F13A1: variants seen among roughly 807,000 people sequenced by gnomAD.
The protein encoded by F13A1 is FSF, A subunit.
A neutral mutation model predicts 80.1 loss-of-function variants in F13A1; 47 were observed. The observed-to-expected ratio is 0.59, with a 90% confidence interval of 0.46 to 0.75. F13A1 has a LOEUF of 0.75. Among genes scored for constraint, F13A1 ranks in the 30% least tolerant of loss-of-function variants. The pLI is 0.00. For missense variants in F13A1, 817 were observed against 930.4 expected (o/e 0.88, Z 1.59); for synonymous variants, 349 against 344.9 (o/e 1.01, Z -0.13).
chr6:6,267,288 C>T (rs576564376), intron 3 of F13A1, among the ~76,000 whole-genome samples: 1 of 152,314 alleles, frequency 6.6e-6, no homozygotes, highest in East Asian at 1.9e-4. Context: ...GGTTATACCA[C>T]TCAGAATGAA....
intron 6 of F13A1, among the ~76,000 whole-genome samples, chr6:6,229,876 G>A (rs1757327153): frequency 6.6e-6 from 1 of 152,220 alleles, no homozygotes; most frequent in African/African-American, 2.4e-5. Context: ...GACTTCACCT[G>A]GTGCTGGGTC....
chr6:6,212,467 T>C (rs1761636586), intron 8 of F13A1, among the ~76,000 whole-genome samples: 3 of 151,678 alleles, frequency 2.0e-5, no homozygotes, highest in Admixed American at 2.0e-4. Flanking sequence ...CAGCTGAGGG[T>C]CCTGTCTGTT....
chr6:6,155,190 G>A (rs760487660), intron 13 of F13A1, among the ~76,000 whole-genome samples: 27 of 152,164 alleles, frequency 1.8e-4, no homozygotes, highest in African/African-American at 4.3e-4. Context: ...AGCCTCCTAC[G>A]CTGTGGAAAG....
chr6:6,247,252 T>A (rs1757565496), intron 6 of F13A1, among the ~76,000 whole-genome samples: 1 of 152,376 alleles, frequency 6.6e-6, no homozygotes, highest in South Asian at 2.1e-4. Flanking sequence ...TATTTTTATA[T>A]TAACAATATT....
chr6:6,225,063 C>A (rs369148884), intron 6 of F13A1, among the ~76,000 whole-genome samples: 2 of 152,140 alleles, frequency 1.3e-5, no homozygotes, highest in Admixed American at 6.5e-5. Flanking sequence ...ACCAAGTAAC[C>A]AAGATTGCCT....
At chr6:6,204,894 C>T (rs1761458991) in intron 8 of F13A1, among the ~76,000 whole-genome samples, 1 of 152,186 alleles carries the variant, frequency 6.6e-6, no homozygotes, top group Non-Finnish European at 1.5e-5. Flanking sequence ...GGCGTCATGT[C>T]AAAGGCCAGC....
chr6:6,257,061 A>C (rs1757713133), intron 4 of F13A1, among the ~76,000 whole-genome samples: 1 of 152,212 alleles, frequency 6.6e-6, no homozygotes, highest in Non-Finnish European at 1.5e-5. Context: ...ATTTAGAGCG[A>C]GGGGATTAGG....
intron 2 of F13A1, among the ~76,000 whole-genome samples, chr6:6,313,151 A>C (rs1475073): frequency 0.54 from 81,619 of 152,006 alleles, 23,256 homozygotes; most frequent in East Asian, 0.85. Context: ...TTACTGGGTT[A>C]ACAAGGCAGT....
chr6:6,200,549 T>TTA (rs1761375008), intron 8 of F13A1, among the ~76,000 whole-genome samples: 1 of 105,200 alleles, frequency 9.5e-6, no homozygotes, highest in African/African-American at 3.6e-5. Context: ...AGACCCTGTC[T>TTA]AAAAAAAAAA....
intron 2 of F13A1, among the ~76,000 whole-genome samples, chr6:6,309,321 G>A (rs1758558023): frequency 6.6e-6 from 1 of 152,062 alleles, no homozygotes; most frequent in Non-Finnish European, 1.5e-5. Flanking sequence ...AGAGAACTGA[G>A]GGGAGTATCA....
chr6:6,268,395 C>A (rs866765204), intron 3 of F13A1, among the ~76,000 whole-genome samples: 5 of 152,170 alleles, frequency 3.3e-5, no homozygotes, highest in African/African-American at 1.2e-4. Context: ...ATACAACTAG[C>A]AAATAGTGGA....
chr6:6,218,688 C>A (rs1447973954), intron 8 of F13A1, among the ~76,000 whole-genome samples: 1 of 152,164 alleles, frequency 6.6e-6, no homozygotes, highest in East Asian at 1.9e-4. Flanking sequence ...CTGTAGCCCC[C>A]CTGAGGTGAG....
chr6:6,298,767 A>G (rs1005624525), intron 3 of F13A1, among the ~76,000 whole-genome samples: 2 of 149,662 alleles, frequency 1.3e-5, no homozygotes, highest in South Asian at 4.1e-4. Flanking sequence ...TAATATTGTT[A>G]TGTGTGAATT....
At chr6:6,160,633 G>A (rs892207948) in intron 13 of F13A1, among the ~76,000 whole-genome samples, 39 of 152,072 alleles carry the variant, frequency 2.6e-4, no homozygotes, top group African/African-American at 8.0e-4. Flanking sequence ...CACTGCACCC[G>A]GCCTCTCTGA....
At chr6:6,154,621 CAT>C (rs2151069239) in intron 13 of F13A1, among the ~76,000 whole-genome samples, 1 of 152,332 alleles carries the variant, frequency 6.6e-6, no homozygotes, top group African/African-American at 2.4e-5. Context: ...ATAGACAAAA[CAT>C]GTGGAAGACA....
In F13A1 at chr6:6,218,111, C is replaced by G. The variant is rs535306193; in HGVS notation, c.1112+3922G>C. On this transcript the variant is annotated intron_variant, in intron 8 of 14. Coordinates refer to ENST00000264870, the MANE Select transcript of F13A1 (RefSeq NM_000129.4). ...CCCAGAATCATCCTATCAGACCACA[C>G]TCTCTCCAGCAAAAGAACACAGGGA... Among the ~76,000 whole-genome samples the G allele has an allele frequency of 2.6e-4, 39 of 152,330 alleles. No individual in the cohort carries two copies. The South Asian group carries it at 7.0e-3, about 28-fold the overall frequency.
At position 6,241,634 on chromosome 6, in the gene F13A1, C is replaced by CA. The variant is rs111823368; in HGVS notation, c.798+6677dup. Among the ~76,000 whole-genome samples the CA allele has an allele frequency of 5.5e-3, 832 of 151,936 alleles. 7 individuals carry two copies. Among genetic ancestry groups the CA allele is most frequent in the African/African-American group, 0.019 (793 of 41,446 alleles). On this transcript the variant is annotated intron_variant, in intron 6 of 14. Transcript: ENST00000264870. ...CAGATGTATCTACGACCGTTCACTC[C>CA]AAAAAAAGAGGTTTAAGCTGCTTTA...
intron 8 of F13A1, among the ~76,000 whole-genome samples, chr6:6,202,015 C>CAT (rs931285725): frequency 5.9e-5 from 9 of 152,028 alleles, no homozygotes; most frequent in Non-Finnish European, 8.8e-5. Context: ...GATGATTTTA[C>CAT]ATATATATAT....
intron 8 of F13A1, among the ~76,000 whole-genome samples, chr6:6,214,193 C>T (rs1163670153): frequency 6.9e-6 from 1 of 145,142 alleles, no homozygotes; most frequent in Non-Finnish European, 1.5e-5. Flanking sequence ...TAGACATCTA[C>T]AGAACTCTCC....
Sources: allele counts gnomAD v4.1 joint callset (sites outside exome capture counted in the v4.1 genomes callset), GRCh38; gene constraint gnomAD v4.1.1; transcripts MANE v1.5; gene names NCBI Gene and HGNC (gene_info 2026-07-23, HGNC 2026-07-21).